IFT88: variants seen among roughly 807,000 people sequenced by gnomAD.
IFT88 encodes the protein intraflagellar transport protein 88 homolog.
IFT88 carries 74 observed loss-of-function variants against 119.5 expected under a neutral mutation model. That is an observed-to-expected ratio of 0.62 (90% confidence interval 0.51 to 0.75). The LOEUF (loss-of-function observed/expected upper bound fraction) is 0.75, where lower values mean the gene tolerates loss of function less well. IFT88 is among the 30% of genes least tolerant of loss of function. The probability of loss-of-function intolerance (pLI) is 0.00; values close to 1 mark genes in which losing one functional copy is unlikely to be tolerated. For missense variants in IFT88, 961 were observed against 977.7 expected (o/e 0.98, Z 0.23); for synonymous variants, 279 against 316.7 (o/e 0.88, Z 1.26).
chr13:20,650,020 A>G (rs1345983538), intron 20 of IFT88, among the ~76,000 whole-genome samples: 2 of 152,202 alleles, frequency 1.3e-5, no homozygotes, highest in Admixed American at 1.3e-4. Context: ...CATGGGCTAC[A>G]TGGATTCACT....
At chr13:20,599,606 G>GT in intron 11 of IFT88, 41 bp downstream of exon 11, 1 of 912,346 alleles carries the variant, frequency 1.1e-6, no homozygotes, top group Non-Finnish European at 1.7e-6. Context: ...AAATTTAAGT[G>GT]TTTTTCTGAA....
chr13:20,676,768 T>C (rs67051903), intron 24 of IFT88, among the ~76,000 whole-genome samples: 24,949 of 152,258 alleles, frequency 0.16, 2,396 homozygotes, highest in African/African-American at 0.25. Flanking sequence ...TTTTTTATAA[T>C]TGCCTGCAGA....
chr13:20,627,813 C>T (rs2047594716), intron 15 of IFT88, among the ~76,000 whole-genome samples: 1 of 150,424 alleles, frequency 6.6e-6, no homozygotes, highest in Admixed American at 6.6e-5. Context: ...GCAATAAACA[C>T]TCTAATTTTT....
chr13:20,667,498 G>A (rs751700289), intron 23 of IFT88, among the ~76,000 whole-genome samples: 5 of 152,176 alleles, frequency 3.3e-5, no homozygotes, highest in African/African-American at 4.8e-5. Flanking sequence ...GGTGTTCCCC[G>A]TGGAGTTGGG....
chr13:20,593,543 T>TA (rs2041100657), intron 7 of IFT88, among the ~76,000 whole-genome samples: 1 of 151,998 alleles, frequency 6.6e-6, no homozygotes, highest in African/African-American at 2.4e-5. Flanking sequence ...TTCTTTTTTT[T>TA]ATTTAAATTG....
At chr13:20,636,182 C>T (rs2049000698) in intron 16 of IFT88, among the ~76,000 whole-genome samples, 1 of 152,112 alleles carries the variant, frequency 6.6e-6, no homozygotes, top group Non-Finnish European at 1.5e-5. Context: ...TGGAACAGAG[C>T]CTTGAAGTGT....
At chr13:20,623,353 G>A (rs2046817928) in intron 14 of IFT88, among the ~76,000 whole-genome samples, 1 of 152,218 alleles carries the variant, frequency 6.6e-6, no homozygotes, top group African/African-American at 2.4e-5. Context: ...GGAAAAATAA[G>A]CCATGGACAT....
intron 20 of IFT88, among the ~76,000 whole-genome samples, chr13:20,651,948 A>G (rs1326864037): frequency 6.6e-6 from 1 of 152,208 alleles, no homozygotes; most frequent in African/African-American, 2.4e-5. Flanking sequence ...CTTTAAAAAC[A>G]TTAGCTAAGT....
In IFT88 at chr13:20,641,389, T is replaced by C; in HGVS notation, c.1673T>C (p.Ile558Thr). Residue 558 changes from isoleucine to threonine, a missense_variant, in exon 18 of 26, where the codon ATA (isoleucine) becomes ACA (threonine). By Grantham distance (89) the Ile-to-Thr change is moderately conservative. Transcript: ENST00000351808. ...LRNSAEVLYQ[I>T]ANIYELMENP... Reference sequence around the variant, plus strand: ...AACAGTGCCGAAGTTCTTTACCAGATAGCAAATATGTATCTTATTTGAAAA... The same window carrying C: ...AACAGTGCCGAAGTTCTTTACCAGACAGCAAATATGTATCTTATTTGAAAA... 1 of 1,600,724 alleles carries C rather than the reference T, an allele frequency of 6.2e-7. No individual in the cohort carries two copies. Among genetic ancestry groups the C allele is most frequent in the South Asian group, 1.1e-5 (1 of 90,302 alleles).
intron 3 of IFT88, among the ~76,000 whole-genome samples, chr13:20,588,319 A>G (rs183364388): frequency 1.2e-4 from 18 of 151,834 alleles, no homozygotes; most frequent in Admixed American, 1.0e-3. Flanking sequence ...TAATCTTTTA[A>G]TTTATTGATC....
chr13:20,634,744 A>AG (rs2048747715), intron 16 of IFT88, among the ~76,000 whole-genome samples: 1 of 151,822 alleles, frequency 6.6e-6, no homozygotes, highest in Non-Finnish European at 1.5e-5. Flanking sequence ...ACAAAAAAAA[A>AG]AAAAGAAGAA....
chr13:20,684,457 C>T (rs1172385560), intron 24 of IFT88, among the ~76,000 whole-genome samples: 1 of 152,172 alleles, frequency 6.6e-6, no homozygotes, highest in African/African-American at 2.4e-5. Context: ...CTCCTTCTTC[C>T]TCTGATTCCT....
At chr13:20,630,972 T>C (rs376463264) in intron 15 of IFT88, 44 bp from the exon 16 acceptor site, 1 of 1,175,314 alleles carries the variant, frequency 8.5e-7, no homozygotes, top group Non-Finnish European at 1.2e-6. Flanking sequence ...GCTTGAGTAC[T>C]GTCATATTAC....
At chr13:20,581,007 G>A (rs2038526809) in intron 2 of IFT88, among the ~76,000 whole-genome samples, 1 of 152,140 alleles carries the variant, frequency 6.6e-6, no homozygotes, top group South Asian at 2.1e-4. Flanking sequence ...TTACAGGCAT[G>A]AGCCACCGCC....
intron 6 of IFT88, among the ~76,000 whole-genome samples, chr13:20,592,009 A>G (rs1190694237): frequency 6.6e-6 from 1 of 152,248 alleles, no homozygotes; most frequent in Non-Finnish European, 1.5e-5. Flanking sequence ...ATAGCAGGTT[A>G]TAAGACATGT....
chr13:20,596,653 G>T (rs2041693898), intron 8 of IFT88, among the ~76,000 whole-genome samples: 1 of 152,000 alleles, frequency 6.6e-6, no homozygotes, highest in South Asian at 2.1e-4. Flanking sequence ...TTTGCTTTTT[G>T]GGAATCTAAC....
chr13:20,607,917 C>T (rs1202498856), intron 13 of IFT88: 3 of 674,352 alleles, frequency 4.4e-6, no homozygotes, highest in Non-Finnish European at 8.5e-6. Context: ...TCCTCGGGGT[C>T]TTCCTCTACA....
In IFT88 at chr13:20,679,533, G is replaced by A. The variant is rs374816420; in HGVS notation, c.2242+8494G>A. ...TTTACAGGTATCCATACGCCTTCTC[G>A]GGCTCTTACTACTAAAATAGAATGA... On this transcript the variant is annotated intron_variant, in intron 24 of 25. Coordinates refer to ENST00000351808, the MANE Select transcript of IFT88 (RefSeq NM_006531.5). Among the ~76,000 whole-genome samples, 17 of 152,180 alleles carry A rather than the reference G, an allele frequency of 1.1e-4. No homozygotes were observed. The South Asian group carries it at 2.7e-3, about 24-fold the overall frequency.
chr13:20,601,051 A>G (rs761804463), intron 11 of IFT88, among the ~76,000 whole-genome samples: 6 of 152,224 alleles, frequency 3.9e-5, no homozygotes, highest in African/African-American at 1.2e-4. Context: ...TACAATGCCT[A>G]GAAGAGACAG....
Sources: allele counts gnomAD v4.1 joint callset (sites outside exome capture counted in the v4.1 genomes callset), GRCh38; gene constraint gnomAD v4.1.1; transcripts MANE v1.5; gene names NCBI Gene and HGNC (gene_info 2026-07-23, HGNC 2026-07-21).